NTRK1: variants seen among roughly 807,000 people sequenced by gnomAD.
NTRK1 encodes neurotrophic receptor tyrosine kinase 1.
A neutral mutation model predicts 86.8 loss-of-function variants in NTRK1; 62 were observed. The ratio of observed to expected loss-of-function variants is 0.71; its 90% CI spans 0.58 to 0.88. NTRK1 has a LOEUF of 0.88. NTRK1 is among the 40% of genes least tolerant of loss of function. The pLI, the probability that NTRK1 is intolerant of heterozygous loss-of-function variation, is 0.00. For missense variants in NTRK1, 967 were observed against 1,078.4 expected (o/e 0.90, Z 1.45); for synonymous variants, 469 against 456.6 (o/e 1.03, Z -0.35).
chr1:156,864,732 A>G lies in NTRK1; in HGVS notation c.292A>G (p.Ile98Val), dbSNP rs753578016. The change falls in exon 3 of 17, where the codon ATC (isoleucine) becomes GTC (valine). Residue 98 changes from isoleucine (I) to valine (V), a missense_variant. Ile to Val is a conservative substitution (Grantham distance 29). Coordinates refer to ENST00000524377, the MANE Select transcript of NTRK1 (RefSeq NM_002529.4). ...TCCTCCTGCACCCCTCCCCAGCACC[A>G]TCGTGAAGAGTGGTCTCCGTTTCGT... Reference protein sequence around the residue: ...RGLGELRNLTIVKSGLRFVAP... With the variant: ...RGLGELRNLTVVKSGLRFVAP... 1.9e-6 allele frequency: 3 copies of G among 1,614,052 alleles called. No homozygotes were observed. The highest frequency in any genetic ancestry group is 3.3e-5 in the Admixed American group (2 of 60,002).
At chr1:156,863,730 G>A (rs955605179) in intron 1 of NTRK1, among the ~76,000 whole-genome samples, 6 of 152,046 alleles carry the variant, frequency 3.9e-5, no homozygotes, top group Non-Finnish European at 8.8e-5. Context: ...GTGGCCCTTG[G>A]GCGGGCACGT....
At chr1:156,879,024 C>G in intron 14 of NTRK1, 98 bp from the exon 15 acceptor site, 2 of 1,417,586 alleles carry the variant, frequency 1.4e-6, no homozygotes, top group Non-Finnish European at 1.9e-6. Context: ...GGTCCCCAGT[C>G]TCCTCTCCCA....
chr1:156,871,676 C>T lies in NTRK1; in HGVS notation c.771C>T (p.Asp257=), dbSNP rs1647562587. ...LGLTLANVTS[D]LNRKNVTCWA... ...TGACCCTGGCCAATGTCACCAGTGA[C>T]CTCAACAGGAAGAACGTGACGTGCT... The change falls in exon 7 of 17, where the codon GAC becomes GAT. Residue 257 remains aspartate (D), a synonymous_variant. Coordinates refer to ENST00000524377, the MANE Select transcript of NTRK1 (RefSeq NM_002529.4). 1 of 1,614,218 alleles carries T rather than the reference C, an allele frequency of 6.2e-7. No individual in the cohort carries two copies. Among genetic ancestry groups the T allele is most frequent in the African/African-American group, 1.3e-5 (1 of 75,054 alleles).
chr1:156,842,018 C>G lies in NTRK1; in HGVS notation c.-63-63C>G, dbSNP rs1571655771. The G allele has an allele frequency of 1.9e-6, 3 of 1,587,664 alleles. No homozygotes were observed. In the East Asian group the frequency reaches 6.8e-5, roughly 36 times the overall value. ...GGTGACTTGCCAAGGGTCTCACAGG[C>G]TGTCAGGACCAGGGCTGTGGGTCTC... On this transcript the variant is annotated intron_variant, in intron 1 of 16. Transcript: ENST00000392302.
chr1:156,826,536 G>T (rs932715823), intron 1 of NTRK1, among the ~76,000 whole-genome samples: 1 of 151,930 alleles, frequency 6.6e-6, no homozygotes, highest in East Asian at 1.9e-4. Context: ...TGATCCGCCC[G>T]CCTCGGCCTC....
intron 2 of NTRK1, chr1:156,844,488 C>G (rs761505447): frequency 6.2e-7 from 1 of 1,614,080 alleles, no homozygotes; most frequent in East Asian, 2.2e-5. Context: ...GAAGGCAACA[C>G]TGTCTGTCCA....
intron 1 of NTRK1, among the ~76,000 whole-genome samples, chr1:156,861,745 T>C (rs1346735478): frequency 6.6e-6 from 1 of 152,140 alleles, no homozygotes; most frequent in Non-Finnish European, 1.5e-5. Flanking sequence ...GACCCCCTCC[T>C]GGATTTTCTC....
chr1:156,823,050 G>T (rs72698636), intron 1 of NTRK1, among the ~76,000 whole-genome samples: 5,682 of 152,296 alleles, frequency 0.037, 138 homozygotes, highest in Middle Eastern at 0.058. Context: ...GCTACCAGTT[G>T]AATGGAATTC....
chr1:156,839,017 G>C (rs1188733975), intron 1 of NTRK1, among the ~76,000 whole-genome samples: 1 of 152,220 alleles, frequency 6.6e-6, no homozygotes, highest in Non-Finnish European at 1.5e-5. Context: ...CAGAAGGCAG[G>C]GAAGCCCAAA....
At chr1:156,871,402 TAAAATAAAAAA>T (rs1375188114) in intron 6 of NTRK1, among the ~76,000 whole-genome samples, 1 of 151,216 alleles carries the variant, frequency 6.6e-6, no homozygotes, top group African/African-American at 2.4e-5. Context: ...AAATAAAACA[TAAAATAAAAAA>T]AAAATGTGAT....
At chr1:156,858,830 T>G (rs1655503668), upstream of NTRK1, 1 of 592,730 alleles carries the variant, frequency 1.7e-6, no homozygotes, top group African/African-American at 1.9e-5. Flanking sequence ...TGACAGGCAG[T>G]TGGAGACAGA....
chr1:156,852,348 C>A (rs1056238966), intron 2 of NTRK1, among the ~76,000 whole-genome samples: 1 of 152,254 alleles, frequency 6.6e-6, no homozygotes, highest in African/African-American at 2.4e-5. Flanking sequence ...TGTTCCCCTC[C>A]GATGGGATTC....
intron 14 of NTRK1, among the ~76,000 whole-genome samples, chr1:156,877,306 G>A (rs1042055557): frequency 6.6e-6 from 1 of 152,244 alleles, no homozygotes; most frequent in Non-Finnish European, 1.5e-5. Context: ...CTTGAAGCAA[G>A]TTACAAAAAA....
chr1:156,851,208 A>G (rs763778521), intron 2 of NTRK1: 1 of 1,553,770 alleles, frequency 6.4e-7, no homozygotes, highest in Non-Finnish European at 8.9e-7. Flanking sequence ...TTGGTTCCAG[A>G]GCCCATTCTC....
rs563928105 is a variant in NTRK1, at chr1:156,861,964, A to C, written c.212+818A>C. ...AAACCTATGGGAGTATGCGGTAATGACTGGCCTGGAGGTACTCAGGCATCA... is the reference window on the plus strand; with the variant it reads ...AAACCTATGGGAGTATGCGGTAATGCCTGGCCTGGAGGTACTCAGGCATCA... On this transcript the variant is annotated intron_variant, in intron 1 of 16. Coordinates refer to ENST00000524377, the MANE Select transcript of NTRK1 (RefSeq NM_002529.4). Among the ~76,000 whole-genome samples the C allele has an allele frequency of 2.0e-5, 3 of 152,318 alleles. No homozygotes were observed. The South Asian group carries it at 6.2e-4, about 32-fold the overall frequency.
chr1:156,817,409 G>A (rs572385517), intron 1 of NTRK1, among the ~76,000 whole-genome samples: 1 of 151,406 alleles, frequency 6.6e-6, no homozygotes, highest in East Asian at 1.9e-4. Flanking sequence ...CATAGTGAGA[G>A]CCCATCACTA....
intron 2 of NTRK1, chr1:156,852,071 T>G (rs1571670420): frequency 6.2e-7 from 1 of 1,613,590 alleles, no homozygotes; most frequent in South Asian, 1.1e-5. Context: ...ACCCTGGAAG[T>G]AGAGGTGGCG....
At chr1:156,881,423 TG>T (rs1469098172) in intron 16 of NTRK1, 33 bp from the exon 17 acceptor site, 9 of 1,548,700 alleles carry the variant, frequency 5.8e-6, no homozygotes, top group Non-Finnish European at 6.1e-6. Flanking sequence ...CCCAGCCTAG[TG>T]GGCTTTCTCC....
chr1:156,842,090 A>G (rs778917490), exon 2 of NTRK1: 4 of 1,613,618 alleles, frequency 2.5e-6, no homozygotes, highest in Admixed American at 1.7e-5. Flanking sequence ...GGCCGCCCTC[A>G]TCTGCCTGGC....
Sources: gnomAD v4.1 joint callset for allele counts (sites outside exome capture counted in the v4.1 genomes callset) on GRCh38, gnomAD v4.1.1 for gene constraint, MANE v1.5 for transcripts, NCBI Gene and HGNC (gene_info 2026-07-23, HGNC 2026-07-21) for gene names.